PEMT: variants seen among roughly 807,000 people sequenced by gnomAD.
The protein encoded by PEMT is phosphatidylethanolamine N-methyltransferase.
A neutral mutation model predicts 27.4 loss-of-function variants in PEMT; 23 were observed. The observed-to-expected ratio is 0.84, with a 90% CI of 0.60 to 1.19. The LOEUF (loss-of-function observed/expected upper bound fraction) is 1.19. Among genes scored for constraint, PEMT ranks in the 50% most tolerant of loss-of-function variants. The pLI is 0.00. For synonymous variants in PEMT, 137 were observed against 139.1 expected, an observed-to-expected ratio of 0.98 and a Z score of 0.11; for missense variants, 307 against 310.1, an observed-to-expected ratio of 0.99 and a Z score of 0.07.
At chr17:17,521,160 C>G (rs910881462) in intron 3 of PEMT, among the ~76,000 whole-genome samples, 1 of 152,204 alleles carries the variant, frequency 6.6e-6, no homozygotes, top group Non-Finnish European at 1.5e-5. Flanking sequence ...GAGCGCTCCA[C>G]GTGGGGTGTG....
intron 2 of PEMT, among the ~76,000 whole-genome samples, chr17:17,538,123 G>A (rs1292718920): frequency 2.6e-5 from 4 of 152,238 alleles, no homozygotes; most frequent in Non-Finnish European, 5.9e-5. Context: ...AGCCCTCCCA[G>A]CCCTCAGTGA....
chr17:17,577,498 C>T (rs1354293578), intron 1 of PEMT: 2 of 1,013,628 alleles, frequency 2.0e-6, no homozygotes, highest in Admixed American at 5.1e-5. Context: ...TGAGTGCACA[C>T]GAGGGTGTGA....
In PEMT at chr17:17,534,895, C is replaced by CTATTTTATTT. The variant is rs71860290; in HGVS notation, c.205-12510_205-12501dup. On this transcript the variant is annotated intron_variant, in intron 2 of 6. Transcript: ENST00000255389. ...GTAAGTTGGTTATTCCTCTATAAGGCTATTTTATTTTATTTTATTTTATTT... is the reference window on the plus strand; with the variant it reads ...GTAAGTTGGTTATTCCTCTATAAGGCTATTTTATTTTATTTTATTTTATTTTATTTTATTT... Among the ~76,000 whole-genome samples, 237 of 148,642 alleles carry CTATTTTATTT rather than the reference C, an allele frequency of 1.6e-3. 1 individual carries two copies. The highest frequency in any genetic ancestry group is 6.0e-3 in the South Asian group (28 of 4,656).
At chr17:17,507,095 G>A (rs902443057) in intron 5 of PEMT, 3 of 1,438,544 alleles carry the variant, frequency 2.1e-6, no homozygotes, top group East Asian at 2.5e-5. Context: ...GCACCAAGGA[G>A]CCCGGGCGCA....
intron 2 of PEMT, 27 bp from the exon 3 acceptor site, chr17:17,522,422 G>A (rs765495846): frequency 2.2e-6 from 3 of 1,359,704 alleles, no homozygotes; most frequent in South Asian, 1.2e-5. Flanking sequence ...GAACAAGAAC[G>A]AGATATTTCC....
chr17:17,554,964 T>C (rs903736714), intron 2 of PEMT, among the ~76,000 whole-genome samples: 1 of 151,978 alleles, frequency 6.6e-6, no homozygotes, highest in African/African-American at 2.4e-5. Context: ...AGGGAGCACA[T>C]AGCTACTCAT....
chr17:17,550,202 A>C (rs1457916360), intron 2 of PEMT, among the ~76,000 whole-genome samples: 2 of 152,172 alleles, frequency 1.3e-5, no homozygotes, highest in African/African-American at 4.8e-5. Context: ...TGACCCTCTG[A>C]GGACACAGAC....
At chr17:17,530,022 A>G (rs1006000896) in intron 2 of PEMT, among the ~76,000 whole-genome samples, 1 of 152,226 alleles carries the variant, frequency 6.6e-6, no homozygotes, top group Non-Finnish European at 1.5e-5. Flanking sequence ...GTATAAGGAC[A>G]TGAAGAGGGG....
intron 2 of PEMT, among the ~76,000 whole-genome samples, chr17:17,537,688 G>A (rs959500380): frequency 5.9e-5 from 9 of 152,216 alleles, no homozygotes; most frequent in African/African-American, 1.7e-4. Context: ...GGAAAGGCCC[G>A]GACCACTCTT....
intron 2 of PEMT, among the ~76,000 whole-genome samples, chr17:17,545,325 G>T (rs774114526): frequency 2.0e-5 from 3 of 152,244 alleles, no homozygotes; most frequent in Non-Finnish European, 4.4e-5. Flanking sequence ...TGTCCAGGGT[G>T]TGCCCGGAGG....
intron 2 of PEMT, among the ~76,000 whole-genome samples, chr17:17,533,439 A>G (rs1908244768): frequency 6.6e-6 from 1 of 152,266 alleles, no homozygotes; most frequent in African/African-American, 2.4e-5. Flanking sequence ...GGTTTCTCAG[A>G]TGCAACACCA....
chr17:17,591,774 C>T (rs923969212), upstream of PEMT: 50 of 1,432,106 alleles, frequency 3.5e-5, no homozygotes, highest in Non-Finnish European at 4.2e-5. Flanking sequence ...AATGTAGTTC[C>T]CCGTCACCGC....
Position 17,505,656 on chromosome 17 carries a change from G to T in PEMT, c.*135C>A, listed in dbSNP as rs1555535708. On this transcript the variant is annotated 3_prime_UTR_variant, in exon 7 of 7. Coordinates refer to ENST00000255389, the MANE Select transcript of PEMT (RefSeq NM_148172.3). The stretch of plus-strand genomic sequence containing the variant: ...ACGTCCAGGGTCCCCAAGGCAGCAG[G>T]TTCCAAGGCACTGGGGCAGCCCACG... The T allele has an allele frequency of 2.0e-6, 2 of 1,008,274 alleles. No individual in the cohort carries two copies. Among genetic ancestry groups the T allele is most frequent in the Non-Finnish European group, 2.7e-6 (2 of 735,394 alleles). The allele number at this position is 1,008,274 out of a possible 1,614,324, so 62.5% of individuals were successfully genotyped here. A position where few individuals can be genotyped will look rare whatever the true frequency, so the allele number is the denominator to read the frequency against.
intron 2 of PEMT, among the ~76,000 whole-genome samples, chr17:17,560,205 C>T (rs539920571): frequency 1.3e-5 from 2 of 152,192 alleles, no homozygotes; most frequent in Admixed American, 6.5e-5. Context: ...GTGCCAAGTA[C>T]GATGGAAAGG....
chr17:17,509,933 C>A (rs955032578), intron 4 of PEMT, among the ~76,000 whole-genome samples: 1 of 152,140 alleles, frequency 6.6e-6, no homozygotes, highest in South Asian at 2.1e-4. Context: ...GCTCATGGCG[C>A]CTCTTTATGC....
In PEMT at chr17:17,510,883, G is replaced by A. The variant is rs554028078; in HGVS notation, c.467-1338C>T. On this transcript the variant is annotated intron_variant, in intron 4 of 6. Transcript: ENST00000255389. Reference sequence around the variant, plus strand: ...CACTGGCCACTGGAGGGCCCCCGCCGCTGGTCTCCCACAGGACCTGATTGC... The same window carrying A: ...CACTGGCCACTGGAGGGCCCCCGCCACTGGTCTCCCACAGGACCTGATTGC... Among the ~76,000 whole-genome samples the A allele has an allele frequency of 1.7e-3, 255 of 152,200 alleles. 1 individual carries two copies. The highest frequency in any genetic ancestry group is 2.6e-3 in the Non-Finnish European group (179 of 67,984).
chr17:17,556,627 G>A (rs1237448488), intron 2 of PEMT, among the ~76,000 whole-genome samples: 2 of 152,136 alleles, frequency 1.3e-5, no homozygotes, highest in African/African-American at 4.8e-5. Context: ...ACCTGCCTCA[G>A]CCTCCCAAAG....
intron 2 of PEMT, among the ~76,000 whole-genome samples, chr17:17,535,949 G>GA (rs906734399): frequency 6.6e-6 from 1 of 152,212 alleles, no homozygotes; most frequent in Non-Finnish European, 1.5e-5. Flanking sequence ...GTGAGCAGGG[G>GA]ATGCCCCTGC....
chr17:17,539,619 C>T (rs969114102), intron 2 of PEMT, among the ~76,000 whole-genome samples: 2 of 152,232 alleles, frequency 1.3e-5, no homozygotes, highest in Non-Finnish European at 1.5e-5. Flanking sequence ...GATTTTGCTA[C>T]TGTGTAACTG....
Sources: gnomAD v4.1 joint callset for allele counts (sites outside exome capture counted in the v4.1 genomes callset) on GRCh38, gnomAD v4.1.1 for gene constraint, MANE v1.5 for transcripts, NCBI Gene and HGNC (gene_info 2026-07-23, HGNC 2026-07-21) for gene names.